Variants in ST6GALNAC3 observed in about 807,000 individuals in gnomAD.
The protein encoded by ST6GALNAC3 is ST6 N-acetylgalactosaminide alpha-2,6-sialyltransferase 3.
ST6GALNAC3 carries 25 observed loss-of-function variants against 32.7 expected under a neutral mutation model. The observed-to-expected ratio is 0.76, with a 90% confidence interval of 0.56 to 1.07. The LOEUF (loss-of-function observed/expected upper bound fraction) is 1.07. Among genes scored for constraint, ST6GALNAC3 ranks in the 50% least tolerant of loss-of-function variants. The pLI, the probability that ST6GALNAC3 is intolerant of heterozygous loss-of-function variation, is 0.00. For synonymous variants in ST6GALNAC3, 129 were observed against 133.1 expected (o/e 0.97, Z 0.21); for missense variants, 355 against 382.4 (o/e 0.93, Z 0.60).
At chr1:76,224,301 TAA>T (rs1457149206) in intron 1 of ST6GALNAC3, among the ~76,000 whole-genome samples, 1 of 152,170 alleles carries the variant, frequency 6.6e-6, no homozygotes, top group African/African-American at 2.4e-5. Context: ...CTCTCCCCAC[TAA>T]GTTTGTGGAC....
At position 76,576,766 on chromosome 1, in the gene ST6GALNAC3, G is replaced by T. The variant is rs987858767; in HGVS notation, c.624-50686G>T. ...TCACAGTAGGTATAAGGAATGAGGGGGTTCTGATAGCTAAAGTAGTGATTT... is the reference window on the plus strand; with the variant it reads ...TCACAGTAGGTATAAGGAATGAGGGTGTTCTGATAGCTAAAGTAGTGATTT... On this transcript the variant is annotated intron_variant, in intron 3 of 4. Coordinates refer to ENST00000328299, the MANE Select transcript of ST6GALNAC3 (RefSeq NM_152996.4). 9 of 1,099,034 alleles carry T rather than the reference G, an allele frequency of 8.2e-6. No individual in the cohort carries two copies. The South Asian group carries it at 1.2e-4, about 14-fold the overall frequency. The allele number at this position is 1,099,034 out of a possible 1,614,324, so 68.1% of individuals were successfully genotyped here. A position where few individuals can be genotyped will look rare whatever the true frequency, so the allele number is the denominator to read the frequency against.
At chr1:76,360,159 A>T (rs1052429871) in intron 2 of ST6GALNAC3, among the ~76,000 whole-genome samples, 1 of 152,186 alleles carries the variant, frequency 6.6e-6, no homozygotes, top group Admixed American at 6.5e-5. Flanking sequence ...AGAGCTTTTA[A>T]TCAACCATAG....
At chr1:76,313,623 C>T (rs933560822) in intron 1 of ST6GALNAC3, 182 bp from the exon 2 acceptor site, 2 of 743,576 alleles carry the variant, frequency 2.7e-6, no homozygotes, top group Non-Finnish European at 4.8e-6. Context: ...TCTCAGCAGC[C>T]CAGCACACTA....
chr1:76,206,811 C>A (rs1295486056), intron 1 of ST6GALNAC3, among the ~76,000 whole-genome samples: 1 of 152,132 alleles, frequency 6.6e-6, no homozygotes, highest in Non-Finnish European at 1.5e-5. Context: ...AGTAAAGATA[C>A]TGCTTTTATG....
chr1:76,583,918 C>T (rs995723772), intron 3 of ST6GALNAC3, among the ~76,000 whole-genome samples: 6 of 152,164 alleles, frequency 3.9e-5, no homozygotes, highest in African/African-American at 1.4e-4. Context: ...CAACAAAGAT[C>T]TCCATATTTT....
chr1:76,308,931 A>G (rs61076126), intron 1 of ST6GALNAC3, among the ~76,000 whole-genome samples: 3,375 of 152,286 alleles, frequency 0.022, 122 homozygotes, highest in African/African-American at 0.077. Flanking sequence ...ATCTCCTACC[A>G]CTTAGAGTCT....
intron 3 of ST6GALNAC3, among the ~76,000 whole-genome samples, chr1:76,554,096 C>T (rs1275427416): frequency 1.3e-5 from 2 of 152,108 alleles, no homozygotes; most frequent in Admixed American, 1.3e-4. Flanking sequence ...AGAGAATATT[C>T]ATTTCTCCTT....
At position 76,262,911 on chromosome 1, in the gene ST6GALNAC3, G is replaced by A. The variant is rs151216465; in HGVS notation, c.19-50894G>A. ...TCATGTTTATTATATCCTGGATGAA[G>A]AAGCACTTCCTTTCATCTGAGGCTC... On this transcript the variant is annotated intron_variant, in intron 1 of 4. Transcript: ENST00000328299. Among the ~76,000 whole-genome samples the A allele has an allele frequency of 3.6e-3, 545 of 152,222 alleles. 2 individuals are homozygous for A. The highest frequency in any genetic ancestry group is 0.013 in the African/African-American group (522 of 41,536).
At chr1:76,551,107 A>C (rs1222031310) in intron 3 of ST6GALNAC3, among the ~76,000 whole-genome samples, 1 of 152,128 alleles carries the variant, frequency 6.6e-6, no homozygotes, top group Non-Finnish European at 1.5e-5. Flanking sequence ...AAAAGTTAGC[A>C]GTTTTAGTCA....
chr1:76,164,944 T>C (rs1202598357), intron 1 of ST6GALNAC3, among the ~76,000 whole-genome samples: 2 of 152,166 alleles, frequency 1.3e-5, no homozygotes, highest in Non-Finnish European at 2.9e-5. Flanking sequence ...TGTGTGTGTG[T>C]TTTTAAGATT....
At chr1:76,281,054 C>T (rs1035406098) in intron 1 of ST6GALNAC3, among the ~76,000 whole-genome samples, 1 of 152,114 alleles carries the variant, frequency 6.6e-6, no homozygotes, top group African/African-American at 2.4e-5. Flanking sequence ...ATTACTATCT[C>T]GTTTTGCAGA....
At chr1:76,083,675 A>G (rs1646928666) in intron 1 of ST6GALNAC3, among the ~76,000 whole-genome samples, 1 of 152,230 alleles carries the variant, frequency 6.6e-6, no homozygotes, top group Non-Finnish European at 1.5e-5. Flanking sequence ...AAAAAGAAAC[A>G]TGTAGAATTT....
intron 1 of ST6GALNAC3, among the ~76,000 whole-genome samples, chr1:76,173,055 T>C (rs572227526): frequency 2.0e-5 from 3 of 152,286 alleles, no homozygotes; most frequent in East Asian, 1.9e-4. Context: ...AGAACAAAGC[T>C]GGAGGCATCA....
At chr1:76,396,750 C>A (rs1453083364) in intron 2 of ST6GALNAC3, among the ~76,000 whole-genome samples, 2 of 152,286 alleles carry the variant, frequency 1.3e-5, no homozygotes, top group East Asian at 3.9e-4. Flanking sequence ...TCTCCCAAAT[C>A]TGTTGGGAAG....
chr1:76,099,399 G>C (rs1475837914), intron 1 of ST6GALNAC3, among the ~76,000 whole-genome samples: 2 of 152,154 alleles, frequency 1.3e-5, no homozygotes, highest in Admixed American at 1.3e-4. Context: ...CCACAAAAGA[G>C]TGGTACATGC....
chr1:76,394,913 G>C (rs1024257741), intron 2 of ST6GALNAC3, among the ~76,000 whole-genome samples: 2 of 152,114 alleles, frequency 1.3e-5, no homozygotes, highest in African/African-American at 4.8e-5. Flanking sequence ...TATTTTCTCT[G>C]TATGAGTGTT....
chr1:76,249,237 T>C (rs547293282), intron 1 of ST6GALNAC3, among the ~76,000 whole-genome samples: 12 of 152,208 alleles, frequency 7.9e-5, no homozygotes, highest in Non-Finnish European at 1.6e-4. Flanking sequence ...ACTAAGTATC[T>C]ATTAATAGAC....
chr1:76,334,472 G>C (rs893685181), intron 2 of ST6GALNAC3, among the ~76,000 whole-genome samples: 2 of 152,186 alleles, frequency 1.3e-5, no homozygotes, highest in African/African-American at 4.8e-5. Context: ...GAATGTCTAG[G>C]AGGAAGTAGA....
At chr1:76,212,460 C>T (rs580390) in intron 1 of ST6GALNAC3, among the ~76,000 whole-genome samples, 26,099 of 151,940 alleles carry the variant, frequency 0.17, 2,390 homozygotes, top group Middle Eastern at 0.23. Context: ...TGGCAGCTTC[C>T]GTTTTTTTGA....
Sources: allele counts gnomAD v4.1 joint callset (sites outside exome capture counted in the v4.1 genomes callset), GRCh38; gene constraint gnomAD v4.1.1; transcripts MANE v1.5; gene names NCBI Gene and HGNC (gene_info 2026-07-23, HGNC 2026-07-21).